The following LOC128092253 variants were observed in gnomAD, a reference collection of about 807,000 sequenced individuals.
chr6:133,954,929 T>A, the LOC128092253 span, among the ~76,000 whole-genome samples: 1 of 152,160 alleles, frequency 6.6e-6, no homozygotes, highest in Non-Finnish European at 1.5e-5. Context: ...CATCTTAAGC[T>A]TTTAATATGG....
chr6:133,978,610 AAAAC>A, the LOC128092253 span, among the ~76,000 whole-genome samples: 1 of 152,242 alleles, frequency 6.6e-6, no homozygotes, highest in African/African-American at 2.4e-5. Flanking sequence ...AAATAACAGA[AAAAC>A]AAAAAGATAC....
the LOC128092253 span, chr6:133,980,034 A>G: frequency 7.8e-7 from 1 of 1,277,622 alleles, no homozygotes; most frequent in African/African-American, 1.5e-5. Context: ...GTGAAAAGTG[A>G]ATTAACAACA....
chr6:133,966,897 C>T, the LOC128092253 span, among the ~76,000 whole-genome samples: 5 of 152,198 alleles, frequency 3.3e-5, no homozygotes, highest in African/African-American at 9.7e-5. Flanking sequence ...TCAGTCCATC[C>T]TCCCATTGCA....
chr6:133,966,827 C>T, the LOC128092253 span, among the ~76,000 whole-genome samples: 5 of 152,204 alleles, frequency 3.3e-5, no homozygotes, highest in African/African-American at 1.2e-4. Flanking sequence ...AACCACAGTA[C>T]TACCACTGTG....
the LOC128092253 span, among the ~76,000 whole-genome samples, chr6:133,953,971 T>G: frequency 6.6e-6 from 1 of 152,086 alleles, no homozygotes; most frequent in Non-Finnish European, 1.5e-5. Flanking sequence ...AAATTAGGAT[T>G]GATGGAGAAG....
chr6:133,964,144 C>A, the LOC128092253 span, among the ~76,000 whole-genome samples: 4 of 152,096 alleles, frequency 2.6e-5, no homozygotes, highest in Admixed American at 2.6e-4. Flanking sequence ...AAATTACTCA[C>A]CCTACTGTTG....
At chr6:133,966,349 A>G in the LOC128092253 span, among the ~76,000 whole-genome samples, 1 of 152,202 alleles carries the variant, frequency 6.6e-6, no homozygotes, top group East Asian at 1.9e-4. Flanking sequence ...TGATATAAGT[A>G]TGTATAGTAA....
the LOC128092253 span, among the ~76,000 whole-genome samples, chr6:133,957,383 A>C: frequency 6.6e-6 from 1 of 152,236 alleles, no homozygotes; most frequent in Admixed American, 6.5e-5. Flanking sequence ...TTCAGCATTG[A>C]ATTGTGCTTA....
the LOC128092253 span, among the ~76,000 whole-genome samples, chr6:133,979,072 G>A: frequency 4.6e-5 from 7 of 152,112 alleles, no homozygotes; most frequent in East Asian, 1.9e-4. Flanking sequence ...TAGGAGTCTC[G>A]GCAAATACAT....
the LOC128092253 span, among the ~76,000 whole-genome samples, chr6:133,959,166 A>G: frequency 6.6e-6 from 1 of 151,956 alleles, no homozygotes; most frequent in South Asian, 2.1e-4. Context: ...CAGACACCCA[A>G]GTAGTTGGGA....
At chr6:133,973,813 C>T in the LOC128092253 span, among the ~76,000 whole-genome samples, 11 of 152,148 alleles carry the variant, frequency 7.2e-5, no homozygotes, top group East Asian at 1.9e-3. Context: ...TTTGACAAAT[C>T]ACACTAAGCC....
At chr6:133,954,018 A>G in the LOC128092253 span, among the ~76,000 whole-genome samples, 6 of 152,222 alleles carry the variant, frequency 3.9e-5, no homozygotes, top group African/African-American at 1.2e-4. Flanking sequence ...AATTGTGGGT[A>G]GGGCTAAGCA....
the LOC128092253 span, among the ~76,000 whole-genome samples, chr6:133,973,403 C>A: frequency 1.3e-5 from 2 of 152,112 alleles, no homozygotes; most frequent in Non-Finnish European, 2.9e-5. Context: ...TTCTTCTTTT[C>A]TGTATTCTCA....
chr6:133,960,193 G>T, the LOC128092253 span, among the ~76,000 whole-genome samples: 8 of 152,272 alleles, frequency 5.3e-5, no homozygotes, highest in South Asian at 1.7e-3. Flanking sequence ...TGGTTGCAGG[G>T]ATCACAGACA....
At chr6:133,978,718 T>C in the LOC128092253 span, among the ~76,000 whole-genome samples, 2 of 152,164 alleles carry the variant, frequency 1.3e-5, no homozygotes, top group Non-Finnish European at 2.9e-5. Flanking sequence ...TATGGTCTTA[T>C]AGAGGTGTCA....
chr6:133,962,241 G>C, the LOC128092253 span, among the ~76,000 whole-genome samples: 4 of 152,164 alleles, frequency 2.6e-5, no homozygotes, highest in African/African-American at 4.8e-5. Flanking sequence ...CATTCTAAGA[G>C]AGCCAAGAGA....
chr6:133,962,319 A>T, the LOC128092253 span, among the ~76,000 whole-genome samples: 1 of 152,212 alleles, frequency 6.6e-6, no homozygotes, highest in Non-Finnish European at 1.5e-5. Flanking sequence ...GGATTAGAGC[A>T]TGGAGAATGC....
chr6:133,976,974 A>AAAAAAAAAG, the LOC128092253 span, among the ~76,000 whole-genome samples: 1 of 149,404 alleles, frequency 6.7e-6, no homozygotes, highest in Non-Finnish European at 1.5e-5. Flanking sequence ...TCTCAAAAAA[A>AAAAAAAAAG]AAAAAAAAGA....
At chr6:133,963,827 G>A in the LOC128092253 span, among the ~76,000 whole-genome samples, 1 of 150,404 alleles carries the variant, frequency 6.6e-6, no homozygotes, top group Non-Finnish European at 1.5e-5. Flanking sequence ...TCAGGAGATC[G>A]AGACCATCCT....
Sources: allele counts gnomAD v4.1 joint callset (sites outside exome capture counted in the v4.1 genomes callset), GRCh38; gene constraint gnomAD v4.1.1; transcripts MANE v1.5.